The following GRIA3 variants were observed in gnomAD, a reference collection of about 807,000 sequenced individuals.
GRIA3 encodes glutamate ionotropic receptor AMPA type subunit 3, also known as glutamate receptor 3.
GRIA3 carries 3 observed loss-of-function variants against 63.0 expected under a neutral mutation model. That is an observed-to-expected ratio of 0.05 (90% CI 0.02 to 0.12). GRIA3 has a LOEUF of 0.12. GRIA3 is among the 10% of genes least tolerant of loss of function. The pLI is 1.00. For synonymous variants in GRIA3, 274 were observed against 257.9 expected, an observed-to-expected ratio of 1.06 and a Z score of -0.60; for missense variants, 347 against 700.9, an observed-to-expected ratio of 0.50 and a Z score of 5.70.
At chrX:123,200,961 C>T (rs1372644972) in intron 2 of GRIA3, among the ~76,000 whole-genome samples, 2 of 111,740 alleles carry the variant, frequency 1.8e-5, no homozygotes, top group South Asian at 3.7e-4. Flanking sequence ...GGATCTATCT[C>T]TTTCTTGTTG....
chrX:123,341,974 G>T (rs1009417849), intron 4 of GRIA3, among the ~76,000 whole-genome samples: 1 of 107,371 alleles, frequency 9.3e-6, no homozygotes, highest in Non-Finnish European at 1.9e-5. Context: ...CTAAGAGTGG[G>T]TTTTTTTTTT....
chrX:123,331,297 T>G (rs747301760), intron 4 of GRIA3, among the ~76,000 whole-genome samples: 62 of 112,106 alleles, frequency 5.5e-4, no homozygotes, highest in Non-Finnish European at 1.0e-3. Flanking sequence ...ATCCTTCAGG[T>G]AGATTTCATT....
chrX:123,186,257 C>A (rs1927271384), intron 2 of GRIA3, among the ~76,000 whole-genome samples: 1 of 110,686 alleles, frequency 9.0e-6, no homozygotes, highest in Admixed American at 9.6e-5. Context: ...TCCATGCTAA[C>A]CTAGTGTGTT....
At chrX:123,219,031 C>T (rs6655763) in intron 2 of GRIA3, among the ~76,000 whole-genome samples, 8,116 of 111,545 alleles carry the variant, frequency 0.073, 443 homozygotes, top group African/African-American at 0.19. Context: ...TTGTGTGTAA[C>T]GGGGTGCTGC....
chrX:123,407,690 G>C (rs1176193362), intron 10 of GRIA3, among the ~76,000 whole-genome samples: 4 of 72,864 alleles, frequency 5.5e-5, no homozygotes, highest in Admixed American at 3.1e-4. Context: ...TGACTTGGTT[G>C]CGGGGGGGGG....
intron 3 of GRIA3, among the ~76,000 whole-genome samples, chrX:123,287,114 G>A (rs909191688): frequency 9.0e-5 from 10 of 111,527 alleles, no homozygotes; most frequent in Non-Finnish European, 1.7e-4. Context: ...TTCAACATAC[G>A]CAAATCAATA....
intron 2 of GRIA3, among the ~76,000 whole-genome samples, chrX:123,189,528 G>T (rs1274098715): frequency 8.9e-6 from 1 of 112,113 alleles, no homozygotes; most frequent in Non-Finnish European, 1.9e-5. Flanking sequence ...CCCAGCCTCT[G>T]CAGTGTCAGC....
At chrX:123,444,175 C>T (rs1338904455) in intron 12 of GRIA3, among the ~76,000 whole-genome samples, 1 of 110,943 alleles carries the variant, frequency 9.0e-6, no homozygotes, top group Non-Finnish European at 1.9e-5. Context: ...TTTGTCCTTA[C>T]ACTTGCCTTT....
intron 1 of GRIA3, 121 bp downstream of exon 1, chrX:123,184,765 G>C (rs1347015117): frequency 5.6e-6 from 3 of 539,876 alleles, no homozygotes; most frequent in African/African-American, 2.3e-5. Flanking sequence ...GACTGGGGCC[G>C]GGACCGGGCA....
At chrX:123,432,266 C>A (rs1158649067) in intron 12 of GRIA3, among the ~76,000 whole-genome samples, 1 of 111,939 alleles carries the variant, frequency 8.9e-6, no homozygotes, top group Non-Finnish European at 1.9e-5. Flanking sequence ...AAATATTTAG[C>A]CCCCAGTAGG....
At chrX:123,357,249 C>T (rs1012223724) in intron 5 of GRIA3, among the ~76,000 whole-genome samples, 2 of 109,804 alleles carry the variant, frequency 1.8e-5, no homozygotes, top group African/African-American at 6.6e-5. Flanking sequence ...TCTGAAGGTA[C>T]CTGAAGCTGG....
intron 4 of GRIA3, among the ~76,000 whole-genome samples, chrX:123,334,985 TC>T (rs935602459): frequency 9.1e-6 from 1 of 109,478 alleles, no homozygotes; most frequent in African/African-American, 3.3e-5. Context: ...AAAGGACATG[TC>T]TTCCCTGCTG....
intron 13 of GRIA3, among the ~76,000 whole-genome samples, chrX:123,477,129 C>T (rs977786001): frequency 8.1e-5 from 9 of 111,391 alleles, no homozygotes; most frequent in African/African-American, 2.9e-4. Context: ...CAGCATGGAC[C>T]CCTAGCACAA....
chrX:123,201,987 T>C (rs1023758625), intron 2 of GRIA3, among the ~76,000 whole-genome samples: 1 of 112,373 alleles, frequency 8.9e-6, no homozygotes, highest in African/African-American at 3.2e-5. Flanking sequence ...TGTTAATATT[T>C]ACTTTGCAGT....
chrX:123,428,037 G>A lies in GRIA3; in HGVS notation c.1974G>A (p.Val658=). Residue 658 remains valine, a synonymous_variant, in exon 12 of 16, where the codon GTG becomes GTA. Transcript: ENST00000620443. ...YTANLAAFLT[V]ERMVSPIESA... ...CCAATCTCGCTGCTTTCCTGACTGT[G>A]GAGAGGATGGTTTCTCCCATAGAGA... is the stretch of plus-strand genomic sequence containing the variant. The A allele has an allele frequency of 8.4e-7, 1 of 1,195,671 alleles. No homozygotes were observed. Among genetic ancestry groups the A allele is most frequent in the African/African-American group, 1.7e-5 (1 of 57,359 alleles).
intron 4 of GRIA3, among the ~76,000 whole-genome samples, chrX:123,346,028 T>A (rs2045047256): frequency 9.0e-6 from 1 of 111,658 alleles, no homozygotes; most frequent in South Asian, 3.8e-4. Context: ...TGCAATTCTA[T>A]GAAATAGGTA....
chrX:123,214,479 A>G (rs1928110781), intron 2 of GRIA3, among the ~76,000 whole-genome samples: 1 of 112,017 alleles, frequency 8.9e-6, no homozygotes, highest in African/African-American at 3.2e-5. Context: ...GATCTTACAT[A>G]AATTTATCCC....
At chrX:123,302,222 G>T (rs761038823) in intron 3 of GRIA3, among the ~76,000 whole-genome samples, 36 of 111,793 alleles carry the variant, frequency 3.2e-4, no homozygotes, top group Non-Finnish European at 5.5e-4. Context: ...TAAATTCTGG[G>T]TCTTATTCAG....
intron 2 of GRIA3, among the ~76,000 whole-genome samples, chrX:123,229,932 G>A (rs2147269773): frequency 8.9e-6 from 1 of 112,130 alleles, no homozygotes; most frequent in South Asian, 3.7e-4. Flanking sequence ...TGCAAAATAT[G>A]TGTGCCAGAA....
Sources: gnomAD v4.1 joint callset for allele counts (sites outside exome capture counted in the v4.1 genomes callset) on GRCh38, gnomAD v4.1.1 for gene constraint, MANE v1.5 for transcripts, NCBI Gene and HGNC (gene_info 2026-07-23, HGNC 2026-07-21) for gene names.